Variants in ROR1 observed in about 807,000 individuals in gnomAD.
ROR1 encodes the protein ROR family WNT receptor 1.
In ROR1, 19 loss-of-function variants were observed where a neutral mutation model predicts 78.8. That is an observed-to-expected ratio of 0.24 (90% CI 0.17 to 0.35). The LOEUF (loss-of-function observed/expected upper bound fraction) is 0.35. ROR1 is among the 10% of genes least tolerant of loss of function. The probability of loss-of-function intolerance (pLI) is 1.00; values close to 1 mark genes in which losing one functional copy is unlikely to be tolerated. For missense variants in ROR1, 917 were observed against 1,177.8 expected, an observed-to-expected ratio of 0.78 and a Z score of 3.24; for synonymous variants, 386 against 433.6, an observed-to-expected ratio of 0.89 and a Z score of 1.36.
chr1:63,905,949 A>T (rs886648354), intron 1 of ROR1, among the ~76,000 whole-genome samples: 1 of 152,196 alleles, frequency 6.6e-6, no homozygotes, highest in Non-Finnish European at 1.5e-5. Context: ...GACTTCATAG[A>T]TCAGGGAATA....
At chr1:64,102,222 C>T (rs1244268490) in intron 4 of ROR1, among the ~76,000 whole-genome samples, 2 of 152,148 alleles carry the variant, frequency 1.3e-5, no homozygotes, top group East Asian at 3.9e-4. Flanking sequence ...TTAGCAGCAC[C>T]ACAAGAAGGA....
chr1:64,155,080 A>G (rs1403746746), intron 7 of ROR1, among the ~76,000 whole-genome samples: 1 of 152,210 alleles, frequency 6.6e-6, no homozygotes, highest in African/African-American at 2.4e-5. Flanking sequence ...GAAGGTAGAC[A>G]GGCTTGCATT....
intron 1 of ROR1, among the ~76,000 whole-genome samples, chr1:63,830,725 ATCGTGCCTTCCCAACAGT>A (rs779392737): frequency 3.9e-5 from 6 of 152,168 alleles, no homozygotes; most frequent in Non-Finnish European, 8.8e-5. Flanking sequence ...TTAAAAGCTA[ATCGTGCCTTCCCAACAGT>A]CCCCCAAAGT....
intron 4 of ROR1, among the ~76,000 whole-genome samples, chr1:64,091,227 C>T (rs530889960): frequency 3.0e-4 from 45 of 152,112 alleles, no homozygotes; most frequent in Admixed American, 2.6e-3. Context: ...CTCCATACCC[C>T]GGCCAGTCAC....
chr1:64,092,224 T>G (rs1647205490), intron 4 of ROR1, among the ~76,000 whole-genome samples: 1 of 151,980 alleles, frequency 6.6e-6, no homozygotes, highest in Admixed American at 6.6e-5. Context: ...TCACAGAGAC[T>G]TTAAGCAGTT....
intron 1 of ROR1, among the ~76,000 whole-genome samples, chr1:63,923,196 A>G (rs570066961): frequency 6.6e-6 from 1 of 152,314 alleles, no homozygotes; most frequent in African/African-American, 2.4e-5. Context: ...AGCATTTAAT[A>G]TACCCACAGA....
chr1:63,996,512 T>C (rs1289542230), intron 1 of ROR1, among the ~76,000 whole-genome samples: 1 of 152,196 alleles, frequency 6.6e-6, no homozygotes, highest in Non-Finnish European at 1.5e-5. Flanking sequence ...CTAATATGGC[T>C]GGAGCAAAAC....
intron 1 of ROR1, among the ~76,000 whole-genome samples, chr1:63,827,589 G>A (rs1644961971): frequency 6.6e-6 from 1 of 152,176 alleles, no homozygotes; most frequent in African/African-American, 2.4e-5. Context: ...CCAAGGCGTT[G>A]ATGACACACA....
intron 1 of ROR1, among the ~76,000 whole-genome samples, chr1:63,868,252 C>A (rs1199411767): frequency 1.3e-5 from 2 of 152,024 alleles, no homozygotes; most frequent in African/African-American, 4.8e-5. Context: ...TTTATTAAAT[C>A]TCTACTTTCT....
At chr1:64,076,474 C>A (rs946458537) in intron 4 of ROR1, among the ~76,000 whole-genome samples, 1 of 152,114 alleles carries the variant, frequency 6.6e-6, no homozygotes, top group Admixed American at 6.5e-5. Context: ...AAGGAAAGAC[C>A]TCTGCATGCC....
chr1:63,894,955 G>GA (rs1645428068), intron 1 of ROR1, among the ~76,000 whole-genome samples: 1 of 152,112 alleles, frequency 6.6e-6, no homozygotes, highest in Non-Finnish European at 1.5e-5. Context: ...TACAGCACAT[G>GA]TTTTCTCTCA....
At chr1:63,981,958 G>A (rs563666048) in intron 1 of ROR1, among the ~76,000 whole-genome samples, 1 of 151,844 alleles carries the variant, frequency 6.6e-6, no homozygotes, top group South Asian at 2.1e-4. Flanking sequence ...CTCCCTTTTT[G>A]TTTTCTCTTT....
intron 6 of ROR1, among the ~76,000 whole-genome samples, chr1:64,142,005 C>G (rs556297851): frequency 6.6e-5 from 10 of 152,266 alleles, no homozygotes; most frequent in African/African-American, 2.4e-4. Context: ...CAACTAGATT[C>G]CTTATTACAT....
intron 1 of ROR1, among the ~76,000 whole-genome samples, chr1:63,971,451 A>G (rs1355940644): frequency 6.6e-6 from 1 of 152,162 alleles, no homozygotes; most frequent in Non-Finnish European, 1.5e-5. Flanking sequence ...TATTTACTCA[A>G]GCTGGTCTTA....
rs551293660 is a variant in ROR1 at position 63,961,287 on chromosome 1, C to G, written c.92-48018C>G. 5.9e-5 allele frequency among the ~76,000 whole-genome samples: 9 copies of G among 152,204 alleles called. No individual in the cohort carries two copies. In the South Asian group the frequency reaches 1.9e-3, roughly 32 times the overall value. On this transcript the variant is annotated intron_variant, in intron 1 of 8. Coordinates refer to ENST00000371079, the MANE Select transcript of ROR1 (RefSeq NM_005012.4). Reference sequence around the variant, plus strand: ...TGGAAAACAGTATGGAGATTCCTCACAAAACTAAAACTAGAACTTCCATAT... The same window carrying G: ...TGGAAAACAGTATGGAGATTCCTCAGAAAACTAAAACTAGAACTTCCATAT...
chr1:63,777,782 A>C (rs573659170), intron 1 of ROR1, among the ~76,000 whole-genome samples: 2 of 152,366 alleles, frequency 1.3e-5, no homozygotes, highest in African/African-American at 4.8e-5. Flanking sequence ...CATCCTATGG[A>C]GAATGGAACA....
At chr1:64,028,620 A>C (rs920326124) in intron 2 of ROR1, among the ~76,000 whole-genome samples, 8 of 152,196 alleles carry the variant, frequency 5.3e-5, no homozygotes, top group Non-Finnish European at 1.2e-4. Flanking sequence ...GCTAAGAAGA[A>C]AAAATATGCA....
At chr1:64,165,237 A>G (rs1198351184) in intron 8 of ROR1, among the ~76,000 whole-genome samples, 1 of 152,110 alleles carries the variant, frequency 6.6e-6, no homozygotes, top group Non-Finnish European at 1.5e-5. Flanking sequence ...TTTCTCTGCA[A>G]CCTCGCCAGA....
intron 1 of ROR1, among the ~76,000 whole-genome samples, chr1:63,808,310 C>G (rs987333158): frequency 2.6e-5 from 4 of 152,198 alleles, no homozygotes; most frequent in African/African-American, 9.6e-5. Context: ...ATAAAGGTCA[C>G]ACTTTTGGGA....
Sources: allele counts gnomAD v4.1 joint callset (sites outside exome capture counted in the v4.1 genomes callset), GRCh38; gene constraint gnomAD v4.1.1; transcripts MANE v1.5; gene names NCBI Gene and HGNC (gene_info 2026-07-23, HGNC 2026-07-21).